Variants in REDIC1 observed in about 807,000 individuals in gnomAD.
REDIC1 encodes the protein regulator of DNA class I crossover intermediates 1.
At chr12:39,650,241 C>T in the REDIC1 span, 1 of 1,592,674 alleles carries the variant, frequency 6.3e-7, no homozygotes, top group Non-Finnish European at 8.5e-7. This position sits in a 1 kb window ranked among gnomAD's most constrained non-coding sequence, Gnocchi z 4.3. Flanking sequence ...TTTTTCAGCG[C>T]AGTACTGTTA....
chr12:39,783,288 G>C, the REDIC1 span, among the ~76,000 whole-genome samples: 1 of 152,190 alleles, frequency 6.6e-6, no homozygotes, highest in Non-Finnish European at 1.5e-5. Flanking sequence ...CATTTGGGTT[G>C]GTTCCAAGTC....
chr12:39,736,199 T>G, the REDIC1 span, among the ~76,000 whole-genome samples: 1 of 152,214 alleles, frequency 6.6e-6, no homozygotes, highest in Admixed American at 6.5e-5. Context: ...GAGCCAATAG[T>G]GTGTGCATGG....
the REDIC1 span, among the ~76,000 whole-genome samples, chr12:39,798,814 A>G: frequency 6.6e-6 from 1 of 152,058 alleles, no homozygotes; most frequent in African/African-American, 2.4e-5. Flanking sequence ...TATAAACACA[A>G]TTATATATTA....
chr12:39,770,908 C>A, the REDIC1 span, among the ~76,000 whole-genome samples: 1 of 151,948 alleles, frequency 6.6e-6, no homozygotes, highest in East Asian at 1.9e-4. Flanking sequence ...GCTGGGACAC[C>A]CAGGTAAAGT....
the REDIC1 span, among the ~76,000 whole-genome samples, chr12:39,710,356 T>A: frequency 6.6e-6 from 1 of 151,826 alleles, no homozygotes; most frequent in Non-Finnish European, 1.5e-5. Flanking sequence ...TTCAGGCTAT[T>A]TGAAAGCCTT....
the REDIC1 span, among the ~76,000 whole-genome samples, chr12:39,892,331 T>A: frequency 2.6e-5 from 4 of 151,952 alleles, no homozygotes; most frequent in African/African-American, 7.3e-5. Flanking sequence ...AGCTGACTTG[T>A]GTGTGTGTGT....
chr12:39,680,406 C>T, the REDIC1 span, among the ~76,000 whole-genome samples: 2 of 152,032 alleles, frequency 1.3e-5, no homozygotes, highest in Non-Finnish European at 2.9e-5. Flanking sequence ...GGAGGAAATG[C>T]AAATCAAAAC....
At chr12:39,669,054 A>G in the REDIC1 span, among the ~76,000 whole-genome samples, 119,295 of 152,060 alleles carry the variant, frequency 0.78, 47,696 homozygotes, top group Non-Finnish European at 0.87. Context: ...CTCTCAACTC[A>G]TCAAAGTCAT....
chr12:39,886,011 ATTTTAAGGTTTC>A, the REDIC1 span, among the ~76,000 whole-genome samples: 56 of 152,294 alleles, frequency 3.7e-4, no homozygotes, highest in Non-Finnish European at 1.2e-4. Context: ...TAAATCACTA[ATTTTAAGGTTTC>A]TTTTACTTTA....
At chr12:39,727,130 G>T in the REDIC1 span, among the ~76,000 whole-genome samples, 32 of 149,970 alleles carry the variant, frequency 2.1e-4, no homozygotes, top group East Asian at 4.2e-3. Context: ...GTTCACTCTT[G>T]CTGTGCAGAA....
At chr12:39,902,085 C>T in the REDIC1 span, among the ~76,000 whole-genome samples, 37 of 150,890 alleles carry the variant, frequency 2.5e-4, no homozygotes, top group East Asian at 6.5e-3. Context: ...AGCAAAGTAT[C>T]GCAAGGACAA....
At chr12:39,880,057 C>T in the REDIC1 span, among the ~76,000 whole-genome samples, 8 of 152,064 alleles carry the variant, frequency 5.3e-5, no homozygotes, top group Admixed American at 1.3e-4. Context: ...CTCTCTCTCT[C>T]GCGCTTGCTC....
chr12:39,632,633 A>T, the REDIC1 span, among the ~76,000 whole-genome samples: 1 of 152,140 alleles, frequency 6.6e-6, no homozygotes, highest in Non-Finnish European at 1.5e-5. Flanking sequence ...ATACCATTAG[A>T]CAATTTTGTT....
chr12:39,813,527 A>T, the REDIC1 span, among the ~76,000 whole-genome samples: 51 of 152,230 alleles, frequency 3.4e-4, no homozygotes, highest in African/African-American at 1.2e-3. Flanking sequence ...GACTTAAAAA[A>T]TATATAACAA....
At chr12:39,865,880 G>A in the REDIC1 span, among the ~76,000 whole-genome samples, 1 of 152,164 alleles carries the variant, frequency 6.6e-6, no homozygotes, top group South Asian at 2.1e-4. Context: ...TTACTTGGGG[G>A]TAGAGGGTGG....
chr12:39,881,464 A>G, the REDIC1 span, among the ~76,000 whole-genome samples: 6 of 152,316 alleles, frequency 3.9e-5, no homozygotes, highest in South Asian at 1.0e-3. Flanking sequence ...TGCTGATTCT[A>G]ATCTTGTCAG....
chr12:39,634,286 C>T, the REDIC1 span, among the ~76,000 whole-genome samples: 21,903 of 151,974 alleles, frequency 0.14, 1,933 homozygotes, highest in Middle Eastern at 0.27. Context: ...GATTTTGTAT[C>T]CTGAGACTTT....
chr12:39,838,492 A>T, the REDIC1 span, among the ~76,000 whole-genome samples: 815 of 112,128 alleles, frequency 7.3e-3, 6 homozygotes, highest in African/African-American at 0.027. Context: ...AAAGTATAAT[A>T]AAAAAAAATA....
chr12:39,647,977 G>A, the REDIC1 span: 1 of 1,514,674 alleles, frequency 6.6e-7, no homozygotes, highest in Non-Finnish European at 8.9e-7. Context: ...AGAATGACCA[G>A]GTACCTTTGA....
Sources: gnomAD v4.1 joint callset for allele counts (sites outside exome capture counted in the v4.1 genomes callset) on GRCh38, gnomAD v4.1.1 for gene constraint, Gnocchi (gnomAD v3.1) non-coding constraint, MANE v1.5 for transcripts, NCBI Gene and HGNC (gene_info 2026-07-23, HGNC 2026-07-21) for gene names.